The following ANGPT1 variants were observed in gnomAD, a reference collection of about 807,000 sequenced individuals.
ANGPT1 encodes angiopoietin-1.
In ANGPT1, 17 loss-of-function variants were observed where a neutral mutation model predicts 62.2. The ratio of observed to expected loss-of-function variants is 0.27; its 90% confidence interval spans 0.19 to 0.41. The LOEUF is 0.41. Among genes scored for constraint, ANGPT1 ranks in the 10% least tolerant of loss-of-function variants. ANGPT1 has a pLI of 1.00. For synonymous variants in ANGPT1, 199 were observed against 198.9 expected (o/e 1.00, Z 0.00); for missense variants, 478 against 594.9 (o/e 0.80, Z 2.04).
intron 3 of ANGPT1, among the ~76,000 whole-genome samples, chr8:107,333,996 GGGAAGGAAGGAA>G (rs1228905079): frequency 1.4e-5 from 1 of 70,478 alleles, no homozygotes; most frequent in Non-Finnish European, 2.9e-5. Context: ...GAGGGAGGGA[GGGAAGGAAGGAA>G]GGAAGGAAGG....
At chr8:107,277,108 G>A (rs1275748948) in intron 7 of ANGPT1, among the ~76,000 whole-genome samples, 1 of 152,106 alleles carries the variant, frequency 6.6e-6, no homozygotes, top group African/African-American at 2.4e-5. Flanking sequence ...ATTAAAAAAT[G>A]TTAAACATTA....
intron 1 of ANGPT1, among the ~76,000 whole-genome samples, chr8:107,435,470 A>C (rs1811309956): frequency 2.0e-5 from 3 of 152,226 alleles, no homozygotes; most frequent in African/African-American, 7.2e-5. Flanking sequence ...CTAATTCAGT[A>C]GGTCTGGTGC....
rs747383480 is a variant in ANGPT1, at chr8:107,449,409, C to T, written c.297+47853G>A. On this transcript the variant is annotated intron_variant, in intron 1 of 8. Transcript: ENST00000517746. The stretch of plus-strand genomic sequence containing the variant: ...ACTCACACACACACATGCACACACA[C>T]ACACACACACACACACACAGAAAAC... Among the ~76,000 whole-genome samples the T allele has an allele frequency of 3.1e-3, 460 of 150,694 alleles. 5 individuals carry two copies. The highest frequency in any genetic ancestry group is 5.8e-3 in the Non-Finnish European group (390 of 67,680).
At chr8:107,459,521 AC>A (rs1233667078) in intron 1 of ANGPT1, among the ~76,000 whole-genome samples, 8 of 149,888 alleles carry the variant, frequency 5.3e-5, no homozygotes, top group South Asian at 2.1e-4. Context: ...AACAACAACA[AC>A]AACAACAAAA....
intron 1 of ANGPT1, among the ~76,000 whole-genome samples, chr8:107,382,949 T>C (rs1311702851): frequency 6.6e-6 from 1 of 152,184 alleles, no homozygotes; most frequent in Non-Finnish European, 1.5e-5. Flanking sequence ...ATCTTAAAAA[T>C]AGATGTAACC....
rs905286008 is a variant in ANGPT1 at position 107,425,959 on chromosome 8, C to T, written c.297+71303G>A. Among the ~76,000 whole-genome samples the T allele has an allele frequency of 3.3e-5, 5 of 152,124 alleles. No homozygotes were observed. In the East Asian group the frequency reaches 7.7e-4, roughly 23 times the overall value. ...GGTTTTGTGGGGCCCCAGGCTTATA[C>T]CATTTGGTAATCCTCTTGGAAAATG... On this transcript the variant is annotated intron_variant, in intron 1 of 8. Transcript: ENST00000517746.
chr8:107,262,561 A>G (rs1054083928), intron 8 of ANGPT1, among the ~76,000 whole-genome samples: 4 of 152,244 alleles, frequency 2.6e-5, no homozygotes, highest in African/African-American at 9.6e-5. Flanking sequence ...CAACATGTGC[A>G]GAAACACGTA....
intron 1 of ANGPT1, among the ~76,000 whole-genome samples, chr8:107,415,568 CCT>C (rs1171777502): frequency 2.0e-5 from 3 of 152,128 alleles, no homozygotes; most frequent in African/African-American, 7.2e-5. Context: ...TCTCTTATAT[CCT>C]GTTACATGAT....
chr8:107,383,821 T>C (rs769804977), intron 1 of ANGPT1, among the ~76,000 whole-genome samples: 147 of 152,228 alleles, frequency 9.7e-4, no homozygotes, highest in Non-Finnish European at 1.4e-3. Context: ...TATTGTTCTA[T>C]TGTTTAGTTG....
chr8:107,413,704 A>G (rs1245164196), intron 1 of ANGPT1, among the ~76,000 whole-genome samples: 2 of 151,426 alleles, frequency 1.3e-5, no homozygotes, highest in Non-Finnish European at 2.9e-5. Flanking sequence ...AAATATTTTA[A>G]TGAAATATTT....
rs1411787541 is a variant in ANGPT1 at position 107,463,020 on chromosome 8, G to A, written c.297+34242C>T. On this transcript the variant is annotated intron_variant, in intron 1 of 8. Coordinates refer to ENST00000517746, the MANE Select transcript of ANGPT1 (RefSeq NM_001146.5). ...CACATACTGTGTAATCCCCTCCCCCGGTGCATGGACAAGATTGAGTGACTT... is the reference window on the plus strand; with the variant it reads ...CACATACTGTGTAATCCCCTCCCCCAGTGCATGGACAAGATTGAGTGACTT... Among the ~76,000 whole-genome samples the A allele has an allele frequency of 3.9e-5, 6 of 152,140 alleles. No homozygotes were observed. In the East Asian group the frequency reaches 5.8e-4, roughly 15 times the overall value.
intron 7 of ANGPT1, among the ~76,000 whole-genome samples, chr8:107,268,968 C>T (rs1385316378): frequency 6.6e-6 from 1 of 152,076 alleles, no homozygotes; most frequent in Admixed American, 6.6e-5. Context: ...CTTAGCATGT[C>T]ACAGAGGAGC....
chr8:107,372,035 A>G (rs767051019), intron 1 of ANGPT1, among the ~76,000 whole-genome samples: 10 of 152,130 alleles, frequency 6.6e-5, no homozygotes, highest in Non-Finnish European at 1.5e-4. Context: ...TGAAATTACT[A>G]GAAAAAAAAA....
chr8:107,450,303 T>G (rs1811734998), intron 1 of ANGPT1, among the ~76,000 whole-genome samples: 1 of 152,078 alleles, frequency 6.6e-6, no homozygotes. Flanking sequence ...TCTGAGCATC[T>G]GCTAAAGCTC....
chr8:107,275,443 G>T (rs1586178881), intron 7 of ANGPT1, among the ~76,000 whole-genome samples: 1 of 152,130 alleles, frequency 6.6e-6, no homozygotes, highest in East Asian at 1.9e-4. Context: ...ATACCAATTT[G>T]CCACATTTAT....
chr8:107,486,437 G>A (rs1451338024), intron 1 of ANGPT1, among the ~76,000 whole-genome samples: 1 of 152,042 alleles, frequency 6.6e-6, no homozygotes, highest in African/African-American at 2.4e-5. Flanking sequence ...TGGCTTTTGA[G>A]GTATTCAATG....
intron 1 of ANGPT1, among the ~76,000 whole-genome samples, chr8:107,457,818 T>G (rs958041497): frequency 8.3e-6 from 1 of 119,814 alleles, no homozygotes. Context: ...ACCCCACACA[T>G]ACCCACTACA....
intron 7 of ANGPT1, among the ~76,000 whole-genome samples, chr8:107,277,355 G>C (rs909711265): frequency 6.6e-6 from 1 of 151,998 alleles, no homozygotes; most frequent in African/African-American, 2.4e-5. Context: ...TTTTTATATA[G>C]TTTTCTTTTA....
intron 4 of ANGPT1, among the ~76,000 whole-genome samples, chr8:107,313,791 C>A (rs1484714559): frequency 6.6e-6 from 1 of 151,988 alleles, no homozygotes; most frequent in Non-Finnish European, 1.5e-5. Context: ...TTTAGAAAAT[C>A]TTATGCTAAA....
Sources: gnomAD v4.1 joint callset for allele counts (sites outside exome capture counted in the v4.1 genomes callset) on GRCh38, gnomAD v4.1.1 for gene constraint, MANE v1.5 for transcripts, NCBI Gene and HGNC (gene_info 2026-07-23, HGNC 2026-07-21) for gene names.